The following CREB5 variants were observed in gnomAD, a reference collection of about 807,000 sequenced individuals.
CREB5 encodes cAMP responsive element binding protein 5, also known as cyclic AMP-responsive element-binding protein 5.
In CREB5, 19 loss-of-function variants were observed where a neutral mutation model predicts 57.1. That is an observed-to-expected ratio of 0.33 (90% CI 0.23 to 0.49). The LOEUF (loss-of-function observed/expected upper bound fraction) is 0.49, where lower values mean the gene tolerates loss of function less well. Among genes scored for constraint, CREB5 ranks in the 20% least tolerant of loss-of-function variants. CREB5 has a pLI of 0.99. For synonymous variants in CREB5, 238 were observed against 238.3 expected, an observed-to-expected ratio of 1.00 and a Z score of 0.01; for missense variants, 579 against 671.6, an observed-to-expected ratio of 0.86 and a Z score of 1.52.
intron 1 of CREB5, among the ~76,000 whole-genome samples, chr7:28,468,175 G>A (rs567373562): frequency 6.6e-6 from 1 of 152,168 alleles, no homozygotes; most frequent in African/African-American, 2.4e-5. Context: ...TAGGACATAG[G>A]GGGCTCATTT....
intron 5 of CREB5, among the ~76,000 whole-genome samples, chr7:28,624,291 G>A (rs888749831): frequency 3.9e-5 from 6 of 152,104 alleles, no homozygotes; most frequent in Admixed American, 2.6e-4. Context: ...TTTTGAGTGC[G>A]TATACTTGAG....
intron 9 of CREB5, among the ~76,000 whole-genome samples, chr7:28,813,418 C>A (rs1244719160): frequency 6.6e-6 from 1 of 152,172 alleles, no homozygotes; most frequent in Non-Finnish European, 1.5e-5. Context: ...GACACATGGT[C>A]TAAGTTGCTG....
chr7:28,527,650 C>G (rs1368511550), intron 4 of CREB5, among the ~76,000 whole-genome samples: 1 of 152,122 alleles, frequency 6.6e-6, no homozygotes, highest in Non-Finnish European at 1.5e-5. Context: ...GACATCATCA[C>G]TACAAAAAAG....
intron 1 of CREB5, among the ~76,000 whole-genome samples, chr7:28,463,401 G>T (rs1349801685): frequency 2.0e-5 from 3 of 152,078 alleles, no homozygotes; most frequent in Non-Finnish European, 4.4e-5. Context: ...GATTGTTTTA[G>T]CTATTATAGT....
upstream of CREB5, chr7:28,409,974 G>T (rs1227199835): frequency 1.5e-5 from 7 of 454,602 alleles, no homozygotes; most frequent in South Asian, 3.1e-5. This position sits in a 1 kb window ranked among gnomAD's most constrained non-coding sequence, Gnocchi z 4.4. Flanking sequence ...CTCCCCCCGC[G>T]TCCCCAGCTT....
At chr7:28,649,040 G>A (rs750331491) in intron 5 of CREB5, among the ~76,000 whole-genome samples, 6 of 152,128 alleles carry the variant, frequency 3.9e-5, no homozygotes, top group East Asian at 1.9e-4. Context: ...ACTGGTTTTC[G>A]TAGGTGTGCA....
chr7:28,643,965 C>G (rs1438229254), intron 5 of CREB5, among the ~76,000 whole-genome samples: 3 of 152,074 alleles, frequency 2.0e-5, no homozygotes, highest in Non-Finnish European at 4.4e-5. Context: ...TATAGTCCAG[C>G]TGCTAGGGAG....
At chr7:28,484,622 T>C (rs1245327299) in intron 1 of CREB5, among the ~76,000 whole-genome samples, 1 of 152,212 alleles carries the variant, frequency 6.6e-6, no homozygotes, top group African/African-American at 2.4e-5. Flanking sequence ...CAGTATTACG[T>C]TGCTAAAACA....
rs1163261159 is a variant in CREB5 at position 28,822,865 on chromosome 7, C to G, written c.*3586C>G. Reference sequence around the variant, plus strand: ...TTTCCCGTTACACTACTACTCAGCCCTCTCCTGCGGCCACATCAACGGATG... The same window carrying G: ...TTTCCCGTTACACTACTACTCAGCCGTCTCCTGCGGCCACATCAACGGATG... On this transcript the variant is annotated 3_prime_UTR_variant, in exon 11 of 11. Coordinates refer to ENST00000357727, the MANE Select transcript of CREB5 (RefSeq NM_182898.4). The G allele has an allele frequency of 6.6e-6, 1 of 152,582 alleles. No individual in the cohort carries two copies. Among genetic ancestry groups the G allele is most frequent in the Non-Finnish European group, 1.5e-5 (1 of 68,062 alleles). 9.5% of individuals were successfully genotyped at this position (152,582 alleles called of 1,614,324 possible).
chr7:28,516,002 G>GT lies in CREB5; in HGVS notation c.291+8268dup, dbSNP rs574174763. Reference sequence around the variant, plus strand: ...GTGAGAGGATCACTTGAGCTCAGGAGTTTAAGATTAGCCTTGGCAACATAA... The same window carrying GT: ...GTGAGAGGATCACTTGAGCTCAGGAGTTTTAAGATTAGCCTTGGCAACATAA... On this transcript the variant is annotated intron_variant, in intron 4 of 10. Coordinates refer to ENST00000357727, the MANE Select transcript of CREB5 (RefSeq NM_182898.4). Among the ~76,000 whole-genome samples the GT allele has an allele frequency of 2.2e-4, 34 of 152,142 alleles. No individual in the cohort carries two copies. In the South Asian group the frequency reaches 6.7e-3, roughly 30 times the overall value.
Position 28,818,190 on chromosome 7 carries a change from G to T in CREB5, c.1363+11G>T. 1.3e-6 allele frequency: 2 copies of T among 1,593,414 alleles called. No homozygotes were observed. Among genetic ancestry groups the T allele is most frequent in the South Asian group, 1.1e-5 (1 of 89,228 alleles). ...CACAAGGATATCTAAGTAAGTCGCC[G>T]ACTTTTTCACTTTTCTTTAGTGTCC... On this transcript the variant is annotated intron_variant, in intron 10 of 10. Coordinates refer to ENST00000357727, the MANE Select transcript of CREB5 (RefSeq NM_182898.4).
At chr7:28,816,110 TG>T (rs1809426456) in intron 9 of CREB5, among the ~76,000 whole-genome samples, 1 of 151,386 alleles carries the variant, frequency 6.6e-6, no homozygotes, top group East Asian at 1.9e-4. Context: ...TTTCCTTTCT[TG>T]GTTTTTGTTT....
intron 1 of CREB5, among the ~76,000 whole-genome samples, chr7:28,326,185 C>G (rs920757716): frequency 1.3e-5 from 2 of 150,574 alleles, no homozygotes; most frequent in African/African-American, 4.9e-5. Context: ...ATCTATCTAT[C>G]TATCTATCTA....
rs1799385455 is a variant in CREB5 at position 28,657,678 on chromosome 7, C to T, written c.465-61075C>T. 2.1e-5 allele frequency among the ~76,000 whole-genome samples: 3 copies of T among 142,936 alleles called. No individual in the cohort carries two copies. The South Asian group carries it at 6.5e-4, about 31-fold the overall frequency. The allele number at this position is 142,936 out of a possible 152,430, so 93.8% of individuals were successfully genotyped here. A position where few individuals can be genotyped will look rare whatever the true frequency, so the allele number is the denominator to read the frequency against. On this transcript the variant is annotated intron_variant, in intron 5 of 10. Transcript: ENST00000357727. Reference sequence around the variant, plus strand: ...GTTGCAGTGAGCGGAGATCGTGCCACTGCACTCCAGCCTGGGTGACAGAGC... The same window carrying T: ...GTTGCAGTGAGCGGAGATCGTGCCATTGCACTCCAGCCTGGGTGACAGAGC...
chr7:28,481,927 G>C (rs531705287), intron 1 of CREB5, among the ~76,000 whole-genome samples: 1 of 152,204 alleles, frequency 6.6e-6, no homozygotes, highest in South Asian at 2.1e-4. Flanking sequence ...CAAACACAAA[G>C]TAATTGATTT....
chr7:28,476,172 G>C (rs1791061497), intron 1 of CREB5, among the ~76,000 whole-genome samples: 1 of 152,140 alleles, frequency 6.6e-6, no homozygotes, highest in Non-Finnish European at 1.5e-5. Flanking sequence ...TCATATAGAA[G>C]ACAAAATAAT....
intron 7 of CREB5, among the ~76,000 whole-genome samples, chr7:28,728,753 T>C (rs1803464695): frequency 6.6e-6 from 1 of 152,166 alleles, no homozygotes; most frequent in Admixed American, 6.5e-5. Flanking sequence ...TGAGTTGAGT[T>C]GAATTAAAAT....
At chr7:28,790,488 AAG>A (rs1341242015) in intron 7 of CREB5, among the ~76,000 whole-genome samples, 11 of 150,646 alleles carry the variant, frequency 7.3e-5, no homozygotes, top group Admixed American at 2.7e-4. Flanking sequence ...GAAAGAAAGA[AAG>A]AGAAGGAAAA....
chr7:28,477,355 T>G (rs1465655788), intron 1 of CREB5, among the ~76,000 whole-genome samples: 2 of 152,180 alleles, frequency 1.3e-5, no homozygotes. Context: ...TGCACCCTCT[T>G]CCCCTTTTTT....
Sources: gnomAD v4.1 joint callset for allele counts (sites outside exome capture counted in the v4.1 genomes callset) on GRCh38, gnomAD v4.1.1 for gene constraint, Gnocchi (gnomAD v3.1) non-coding constraint, MANE v1.5 for transcripts, NCBI Gene and HGNC (gene_info 2026-07-23, HGNC 2026-07-21) for gene names.